The following IL17RD variants were observed in gnomAD, a reference collection of about 807,000 sequenced individuals.
The protein encoded by IL17RD is interleukin 17 receptor D.
A neutral mutation model predicts 80.5 loss-of-function variants in IL17RD; 52 were observed. The ratio of observed to expected loss-of-function variants is 0.65; its 90% confidence interval spans 0.52 to 0.81. IL17RD has a LOEUF of 0.81. IL17RD is among the 40% of genes least tolerant of loss of function. The pLI is 0.00. For missense variants in IL17RD, 1,024 were observed against 955.1 expected, an observed-to-expected ratio of 1.07 and a Z score of -0.95; for synonymous variants, 416 against 391.8, an observed-to-expected ratio of 1.06 and a Z score of -0.73.
chr3:57,167,264 T>C (rs2107552910), upstream of IL17RD, among the ~76,000 whole-genome samples: 1 of 152,164 alleles, frequency 6.6e-6, no homozygotes, highest in South Asian at 2.1e-4. Flanking sequence ...AGGTTTACCA[T>C]ACCCTCTTCA....
chr3:57,126,620 G>T lies in IL17RD; in HGVS notation c.127-6307C>A, dbSNP rs1180357304. Among the ~76,000 whole-genome samples, 3 of 152,140 alleles carry T rather than the reference G, an allele frequency of 2.0e-5. No individual in the cohort carries two copies. The East Asian group carries it at 5.8e-4, about 29-fold the overall frequency. On this transcript the variant is annotated intron_variant, in intron 1 of 12. Transcript: ENST00000296318. The stretch of plus-strand genomic sequence containing the variant: ...CATTTGAAGACACTAACTTCCCAGA[G>T]CAACATTTCCAATTCACCTCCAGCA...
At chr3:57,146,045 G>GCGCGCGCGCGCA (rs766646872) in intron 1 of IL17RD, among the ~76,000 whole-genome samples, 4 of 151,138 alleles carry the variant, frequency 2.6e-5, no homozygotes, top group South Asian at 2.1e-4. Flanking sequence ...GCGCGCGCGC[G>GCGCGCGCGCGCA]CACACACACA....
In IL17RD at chr3:57,165,256, A is replaced by C. The variant is rs766025040; in HGVS notation, c.31T>G (p.Phe11Val). 282 of 1,524,806 alleles carry C rather than the reference A, an allele frequency of 1.8e-4. No homozygotes were observed. The highest frequency in any genetic ancestry group is 2.1e-4 in the Non-Finnish European group (242 of 1,136,456). 94.5% of individuals were successfully genotyped at this position (1,524,806 alleles called of 1,614,324 possible). A position where few individuals can be genotyped will look rare whatever the true frequency, so the allele number is the denominator to read the frequency against. Residue 11 changes from phenylalanine to valine, a missense_variant, in exon 1 of 13, where the codon TTC becomes GTC. Transcript: ENST00000296318. MAPWLQLCSV[F>V]FTVNACLNGS... ...TTGAGGCAGGCGTTGACCGTAAAGA[A>C]GACGGAGCAGAGCTGCAGCCACGGG...
At chr3:57,142,479 G>T (rs1290668196) in intron 1 of IL17RD, 1 of 1,285,384 alleles carries the variant, frequency 7.8e-7, no homozygotes. Flanking sequence ...AACAACGCAG[G>T]AACACCTGAG....
chr3:57,126,795 A>T (rs1707467918), intron 1 of IL17RD, among the ~76,000 whole-genome samples: 1 of 152,104 alleles, frequency 6.6e-6, no homozygotes. Context: ...TAGAGTGAAA[A>T]TTTAAATAAG....
In IL17RD at chr3:57,161,141, A is replaced by C. The variant is rs978524184; in HGVS notation, c.126+4020T>G. The stretch of plus-strand genomic sequence containing the variant: ...GCTGGAAGAAAGCTTTGCACTGCTT[A>C]TAAAAACGTCTCTCTAAAAAATGTA... On this transcript the variant is annotated intron_variant, in intron 1 of 12. Transcript: ENST00000296318. Among the ~76,000 whole-genome samples the C allele has an allele frequency of 5.3e-5, 8 of 152,254 alleles. No homozygotes were observed. In the South Asian group the frequency reaches 1.7e-3, roughly 32 times the overall value.
chr3:57,097,259 C>G (rs185107414), intron 12 of IL17RD, among the ~76,000 whole-genome samples: 1 of 152,134 alleles, frequency 6.6e-6, no homozygotes, highest in Non-Finnish European at 1.5e-5. Flanking sequence ...AAAGACGCAT[C>G]CACAAACTGT....
intron 5 of IL17RD, among the ~76,000 whole-genome samples, chr3:57,107,370 C>G (rs1450004364): frequency 8.0e-6 from 1 of 125,008 alleles, no homozygotes; most frequent in Non-Finnish European, 1.7e-5. Context: ...CAGAGCGAAA[C>G]TCCATCTCGA....
rs554606716 is a variant in IL17RD at position 57,093,998 on chromosome 3, A to G, written c.*2395T>C. ...CTATCTACACAAGCCTTTTACTCTC[A>G]GGATCAAGGCCTCTCATGGAGATCA... On this transcript the variant is annotated 3_prime_UTR_variant, in exon 13 of 13. Coordinates refer to ENST00000296318, the MANE Select transcript of IL17RD (RefSeq NM_017563.5). 2.0e-5 allele frequency: 3 copies of G among 152,338 alleles called. No homozygotes were observed. Among genetic ancestry groups the G allele is most frequent in the African/African-American group, 7.2e-5 (3 of 41,582 alleles). The allele number at this position is 152,338 out of a possible 1,614,324, so 9.4% of individuals were successfully genotyped here. A position where few individuals can be genotyped will look rare whatever the true frequency, so the allele number is the denominator to read the frequency against.
intron 1 of IL17RD, among the ~76,000 whole-genome samples, chr3:57,128,712 C>T (rs1579293328): frequency 1.3e-5 from 2 of 152,110 alleles, no homozygotes; most frequent in Admixed American, 1.3e-4. Context: ...TTCCCCACGC[C>T]TGACTTTATG....
chr3:57,143,253 G>C (rs1260238605), intron 1 of IL17RD, among the ~76,000 whole-genome samples: 2 of 152,184 alleles, frequency 1.3e-5, no homozygotes, highest in Non-Finnish European at 2.9e-5. Context: ...CACCAGGATG[G>C]AGGCAGGGGC....
chr3:57,127,233 AATATATAAAT>A (rs1194742566), intron 1 of IL17RD, among the ~76,000 whole-genome samples: 23 of 86,794 alleles, frequency 2.6e-4, no homozygotes, highest in East Asian at 1.4e-3. Flanking sequence ...TATATATAAA[AATATATAAAT>A]ATATATATAA....
intron 6 of IL17RD, 42 bp from the exon 7 acceptor site, chr3:57,106,050 C>T (rs890201425): frequency 6.8e-6 from 11 of 1,612,964 alleles, no homozygotes; most frequent in Non-Finnish European, 9.3e-6. Context: ...CAGAGGCTAC[C>T]CTAACACCAT....
chr3:57,149,318 T>G (rs137857483), intron 1 of IL17RD, among the ~76,000 whole-genome samples: 3,814 of 149,450 alleles, frequency 0.026, 75 homozygotes, highest in Admixed American at 0.042. Flanking sequence ...AAAAAGCCGA[T>G]TCCTTCACTC....
chr3:57,109,840 A>G (rs1300398219), intron 4 of IL17RD, among the ~76,000 whole-genome samples, 183 bp from the exon 5 acceptor site: 1 of 152,204 alleles, frequency 6.6e-6, no homozygotes, highest in Non-Finnish European at 1.5e-5. Context: ...TCGCTTAACC[A>G]TGAAGATGGA....
Position 57,098,200 on chromosome 3 carries a change from C to A in IL17RD, c.1503G>T (p.Met501Ile), listed in dbSNP as rs768116207. ...ILDLSTKYRL[M>I]DNLPQLCSHL... ...GGGAACAGAGCTGAGGAAGATTGTC[C>A]ATGAGTCTGTACTTGGTACTCAGGT... Residue 501 changes from methionine to isoleucine, a missense_variant, in exon 12 of 13, where the codon ATG becomes ATT. By Grantham distance (10) the Met-to-Ile change is conservative. Coordinates refer to ENST00000296318, the MANE Select transcript of IL17RD (RefSeq NM_017563.5). The A allele has an allele frequency of 1.8e-5, 29 of 1,613,890 alleles. No individual in the cohort carries two copies. In the South Asian group the frequency reaches 3.1e-4, roughly 17 times the overall value.
At chr3:57,157,810 C>G (rs560962127) in intron 1 of IL17RD, among the ~76,000 whole-genome samples, 24 of 152,278 alleles carry the variant, frequency 1.6e-4, no homozygotes, top group Middle Eastern at 3.4e-3. Flanking sequence ...CTCTTCGTTC[C>G]AAGGAAGCCC....
chr3:57,110,003 A>C (rs1282976545), intron 4 of IL17RD, among the ~76,000 whole-genome samples, 190 bp downstream of exon 4: 1 of 152,166 alleles, frequency 6.6e-6, no homozygotes, highest in East Asian at 1.9e-4. Flanking sequence ...ATGTTTACAC[A>C]GGGAGGTGCT....
chr3:57,104,757 C>T (rs1474376023), intron 7 of IL17RD, among the ~76,000 whole-genome samples: 2 of 152,102 alleles, frequency 1.3e-5, no homozygotes, highest in African/African-American at 2.4e-5. Flanking sequence ...ATTTTATTTG[C>T]CATAATTTTA....
Sources: gnomAD v4.1 joint callset for allele counts (sites outside exome capture counted in the v4.1 genomes callset) on GRCh38, gnomAD v4.1.1 for gene constraint, MANE v1.5 for transcripts, NCBI Gene and HGNC (gene_info 2026-07-23, HGNC 2026-07-21) for gene names.